NELL1: variants seen among roughly 807,000 people sequenced by gnomAD.
NELL1 encodes the protein protein kinase C-binding protein NELL1.
A neutral mutation model predicts 107.4 loss-of-function variants in NELL1; 76 were observed. That is an observed-to-expected ratio of 0.71 (90% CI 0.59 to 0.86). The LOEUF (loss-of-function observed/expected upper bound fraction) is 0.86. Ranked by LOEUF, NELL1 falls within the 40% of genes least tolerant of loss-of-function variation. The probability of loss-of-function intolerance (pLI) is 0.00; values close to 1 mark genes in which losing one functional copy is unlikely to be tolerated. For missense variants in NELL1, 1,024 were observed against 1,005.5 expected, an observed-to-expected ratio of 1.02 and a Z score of -0.25; for synonymous variants, 353 against 341.2, an observed-to-expected ratio of 1.03 and a Z score of -0.38.
chr11:20,674,201 G>A (rs772352037), intron 1 of NELL1, among the ~76,000 whole-genome samples: 1 of 152,168 alleles, frequency 6.6e-6, no homozygotes, highest in African/African-American at 2.4e-5. Context: ...AGCAAACCCA[G>A]CGTGAGAGGC....
chr11:21,359,573 G>T (rs1158036767), intron 14 of NELL1, among the ~76,000 whole-genome samples: 5 of 152,058 alleles, frequency 3.3e-5, no homozygotes, highest in Admixed American at 6.6e-5. Flanking sequence ...CAGTGAGATT[G>T]GTACCAATTC....
intron 2 of NELL1, among the ~76,000 whole-genome samples, chr11:20,742,819 C>T (rs1270336679): frequency 3.9e-5 from 6 of 152,276 alleles, no homozygotes; most frequent in South Asian, 4.1e-4. Context: ...ACCATATCAC[C>T]GCCTTCTGCC....
At chr11:21,102,024 T>G (rs2133706820) in intron 12 of NELL1, among the ~76,000 whole-genome samples, 1 of 152,292 alleles carries the variant, frequency 6.6e-6, no homozygotes, top group South Asian at 2.1e-4. Flanking sequence ...AGCTAATTTT[T>G]GTGTTTTTAG....
intron 15 of NELL1, among the ~76,000 whole-genome samples, chr11:21,491,412 A>AT (rs1278949284): frequency 1.3e-5 from 2 of 152,194 alleles, no homozygotes; most frequent in Non-Finnish European, 2.9e-5. Context: ...AGCTCTCTAC[A>AT]TATGGCTAGC....
intron 2 of NELL1, among the ~76,000 whole-genome samples, chr11:20,686,554 G>C (rs1167471131): frequency 6.7e-6 from 1 of 148,194 alleles, no homozygotes; most frequent in Non-Finnish European, 1.5e-5. Context: ...GGACAAAAAA[G>C]GGAAAGTGAT....
intron 3 of NELL1, among the ~76,000 whole-genome samples, chr11:20,796,468 A>G (rs1424006923): frequency 1.3e-5 from 2 of 152,184 alleles, no homozygotes; most frequent in Non-Finnish European, 2.9e-5. Context: ...ACATTGGCTT[A>G]TATTATTATA....
intron 4 of NELL1, among the ~76,000 whole-genome samples, chr11:20,868,453 AATAG>A (rs1422993035): frequency 1.3e-5 from 2 of 152,150 alleles, no homozygotes; most frequent in African/African-American, 4.8e-5. Flanking sequence ...AAGTTAAGGA[AATAG>A]ATAGTGGTGA....
chr11:20,724,157 G>T (rs533185519), intron 2 of NELL1, among the ~76,000 whole-genome samples: 3 of 152,332 alleles, frequency 2.0e-5, no homozygotes, highest in Non-Finnish European at 1.5e-5. Flanking sequence ...GTGATGGAAG[G>T]GGTTGCCTTG....
chr11:20,989,543 G>C (rs1590507333), intron 12 of NELL1, among the ~76,000 whole-genome samples: 1 of 152,258 alleles, frequency 6.6e-6, no homozygotes, highest in African/African-American at 2.4e-5. Context: ...ATACTTGACA[G>C]CAGAATTTGG....
At chr11:20,765,620 C>T (rs1856513492) in intron 2 of NELL1, among the ~76,000 whole-genome samples, 1 of 152,038 alleles carries the variant, frequency 6.6e-6, no homozygotes, top group Non-Finnish European at 1.5e-5. Context: ...AAATAATGGC[C>T]TGACCGGAGA....
chr11:21,291,310 C>A (rs569092536), intron 14 of NELL1, among the ~76,000 whole-genome samples: 1 of 152,106 alleles, frequency 6.6e-6, no homozygotes, highest in African/African-American at 2.4e-5. Context: ...AAAGACACAA[C>A]GTACCAGAAT....
chr11:21,452,183 T>C (rs1853604513), intron 15 of NELL1, among the ~76,000 whole-genome samples: 1 of 31,682 alleles, frequency 3.2e-5, no homozygotes, highest in African/African-American at 1.4e-4. Context: ...TTTTCACATA[T>C]AAAATCTCAC....
At chr11:20,795,881 T>C (rs932589538) in intron 3 of NELL1, among the ~76,000 whole-genome samples, 11 of 152,166 alleles carry the variant, frequency 7.2e-5, no homozygotes, top group African/African-American at 2.7e-4. Context: ...CAAGTAGACT[T>C]GGGTTCATTT....
chr11:20,766,918 AT>A (rs1856544954), intron 2 of NELL1, among the ~76,000 whole-genome samples: 2 of 151,808 alleles, frequency 1.3e-5, no homozygotes, highest in African/African-American at 4.8e-5. Flanking sequence ...AATTTTTTGT[AT>A]TTTTAGTAAA....
chr11:21,243,043 A>G (rs1858402890), intron 14 of NELL1, among the ~76,000 whole-genome samples: 1 of 152,096 alleles, frequency 6.6e-6, no homozygotes, highest in Admixed American at 6.6e-5. Context: ...TAAACTTGCA[A>G]CAGAGAATGA....
chr11:21,337,442 C>G (rs1850430486), intron 14 of NELL1, among the ~76,000 whole-genome samples: 1 of 152,166 alleles, frequency 6.6e-6, no homozygotes, highest in Non-Finnish European at 1.5e-5. Context: ...TCTTGCTCTT[C>G]CATTTTATAG....
rs890880577 is a variant in NELL1 at position 20,677,799 on chromosome 11, C to G, written c.56-133C>G. ...GAGCAAAGATTTGCTTTTCTTTTCCCTCCATAGACAAAGACTCTCCAAGCA... is the reference window on the plus strand; with the variant it reads ...GAGCAAAGATTTGCTTTTCTTTTCCGTCCATAGACAAAGACTCTCCAAGCA... On this transcript the variant is annotated intron_variant, in intron 1 of 19. Coordinates refer to ENST00000357134, the MANE Select transcript of NELL1 (RefSeq NM_006157.5). 5.9e-6 allele frequency: 6 copies of G among 1,020,204 alleles called. No individual in the cohort carries two copies. The Admixed American group carries it at 1.3e-4, about 22-fold the overall frequency. The allele number at this position is 1,020,204 out of a possible 1,614,324, so 63.2% of individuals were successfully genotyped here. A position where few individuals can be genotyped will look rare whatever the true frequency, so the allele number is the denominator to read the frequency against.
intron 5 of NELL1, among the ~76,000 whole-genome samples, chr11:20,916,196 TTC>T (rs1215408976): frequency 2.0e-5 from 3 of 151,902 alleles, no homozygotes; most frequent in Non-Finnish European, 4.4e-5. Context: ...CAGCTTTTAT[TTC>T]TGTTTTTTGT....
chr11:21,402,349 G>C (rs1287619446), intron 15 of NELL1, among the ~76,000 whole-genome samples: 5 of 151,746 alleles, frequency 3.3e-5, no homozygotes, highest in Non-Finnish European at 5.9e-5. Flanking sequence ...AAACATTGAA[G>C]ATTTAAAGCA....
Sources: allele counts gnomAD v4.1 joint callset (sites outside exome capture counted in the v4.1 genomes callset), GRCh38; gene constraint gnomAD v4.1.1; transcripts MANE v1.5; gene names NCBI Gene and HGNC (gene_info 2026-07-23, HGNC 2026-07-21).